The following SLIT2 variants were observed in gnomAD, a reference collection of about 807,000 sequenced individuals.
SLIT2 encodes slit guidance ligand 2.
Under a neutral mutation model 185.7 loss-of-function variants are expected in SLIT2, and 41 were observed. That is an observed-to-expected ratio of 0.22 (90% CI 0.17 to 0.29). The LOEUF (loss-of-function observed/expected upper bound fraction) is 0.29. Ranked by LOEUF, SLIT2 falls within the 10% of genes least tolerant of loss-of-function variation. SLIT2 has a pLI of 1.00. For missense variants in SLIT2, 1,571 were observed against 1,909.0 expected, an observed-to-expected ratio of 0.82 and a Z score of 3.30; for synonymous variants, 693 against 680.2, an observed-to-expected ratio of 1.02 and a Z score of -0.29.
At chr4:20,603,643 A>G (rs1462483901) in intron 33 of SLIT2, among the ~76,000 whole-genome samples, 1 of 152,218 alleles carries the variant, frequency 6.6e-6, no homozygotes, top group Non-Finnish European at 1.5e-5. Context: ...CTGTTTAAAA[A>G]TAAGAAAATC....
At chr4:20,401,539 C>G (rs1726361455) in intron 4 of SLIT2, among the ~76,000 whole-genome samples, 1 of 151,814 alleles carries the variant, frequency 6.6e-6, no homozygotes, top group Non-Finnish European at 1.5e-5. Flanking sequence ...CTTCATCCAG[C>G]AAATCTGCAT....
At position 20,563,792 on chromosome 4, in the gene SLIT2, T is replaced by C. The variant is rs116806500; in HGVS notation, c.2726-3470T>C. Among the ~76,000 whole-genome samples, 609 of 152,018 alleles carry C rather than the reference T, an allele frequency of 4.0e-3. 14 individuals carry two copies. Among genetic ancestry groups the C allele is most frequent in the African/African-American group, 0.014 (572 of 41,464 alleles). On this transcript the variant is annotated intron_variant, in intron 26 of 36. Transcript: ENST00000504154. Reference sequence around the variant, plus strand: ...GTTCCTCCTACCTATTCCAACTCTCTGGAAGTCTAAGAAAGAGTGTCAGTA... The same window carrying C: ...GTTCCTCCTACCTATTCCAACTCTCCGGAAGTCTAAGAAAGAGTGTCAGTA...
chr4:20,614,637 C>A (rs1442858470), intron 34 of SLIT2, among the ~76,000 whole-genome samples: 1 of 151,788 alleles, frequency 6.6e-6, no homozygotes, highest in East Asian at 1.9e-4. Flanking sequence ...ATAAGCCAGG[C>A]GTGGTGGTGC....
intron 6 of SLIT2, among the ~76,000 whole-genome samples, 161 bp downstream of exon 6, chr4:20,480,948 T>C (rs1395457016): frequency 6.6e-6 from 1 of 152,148 alleles, no homozygotes; most frequent in Non-Finnish European, 1.5e-5. Context: ...TCTAAATGTG[T>C]GTGTGCAAAA....
chr4:20,351,593 C>T (rs1434481371), intron 4 of SLIT2, among the ~76,000 whole-genome samples: 1 of 152,122 alleles, frequency 6.6e-6, no homozygotes, highest in Non-Finnish European at 1.5e-5. Flanking sequence ...AGGTGACAAC[C>T]TCCACTTACA....
At chr4:20,563,559 G>T (rs1724863082) in intron 26 of SLIT2, among the ~76,000 whole-genome samples, 1 of 151,658 alleles carries the variant, frequency 6.6e-6, no homozygotes, top group Admixed American at 6.6e-5. Context: ...TCTCAGTGTT[G>T]TACCCGGTGC....
At position 20,253,284 on chromosome 4, in the gene SLIT2, C is replaced by G. The variant is rs542110411; in HGVS notation, c.-532C>G. 1 of 155,636 alleles carries G rather than the reference C, an allele frequency of 6.4e-6. No individual in the cohort carries two copies. Among genetic ancestry groups the G allele is most frequent in the Non-Finnish European group, 1.4e-5 (1 of 70,444 alleles). The allele number at this position is 155,636 out of a possible 1,614,324, so 9.6% of individuals were successfully genotyped here. On this transcript the variant is annotated 5_prime_UTR_variant, in exon 1 of 37. Transcript: ENST00000504154. ...TTGCCCCGCGCGCTCTGCTACGGGC[C>G]CGCTGGGCTTCCGCGCCTTCTAGCT... is the stretch of plus-strand genomic sequence containing the variant.
intron 4 of SLIT2, among the ~76,000 whole-genome samples, chr4:20,403,944 G>A (rs757440634): frequency 3.3e-5 from 5 of 151,320 alleles, no homozygotes; most frequent in Middle Eastern, 3.4e-3. Flanking sequence ...TTGGAAGTTT[G>A]GAAGATAGAT....
At chr4:20,603,206 C>T (rs759710902) in intron 33 of SLIT2, among the ~76,000 whole-genome samples, 3 of 152,052 alleles carry the variant, frequency 2.0e-5, no homozygotes, top group African/African-American at 7.2e-5. Context: ...GAGAACTAAG[C>T]GAAAGGGGAA....
rs1342921852 is a variant in SLIT2, at chr4:20,252,739, C to T, written c.-1077C>T. Among the ~76,000 whole-genome samples the T allele has an allele frequency of 1.3e-5, 2 of 152,232 alleles. No individual in the cohort carries two copies. The highest frequency in any genetic ancestry group is 4.8e-5 in the African/African-American group (2 of 41,470). ...GCCATTCAGCTGCCGCCTGGCTCTG[C>T]CTGGAGTAGTGGATCCCACCCGCCC... is the stretch of plus-strand genomic sequence containing the variant. On this transcript the variant is annotated 5_prime_UTR_variant, in exon 1 of 37. Transcript: ENST00000504154.
chr4:20,590,769 G>T (rs1727454764), intron 30 of SLIT2, among the ~76,000 whole-genome samples: 1 of 152,172 alleles, frequency 6.6e-6, no homozygotes, highest in South Asian at 2.1e-4. Context: ...TTTAGAGCTG[G>T]CAGTAGTTTA....
At chr4:20,350,251 G>A (rs921338169) in intron 4 of SLIT2, among the ~76,000 whole-genome samples, 1 of 151,008 alleles carries the variant, frequency 6.6e-6, no homozygotes, top group Non-Finnish European at 1.5e-5. Context: ...TAAATAAGTC[G>A]ATATAGTATT....
chr4:20,255,277 T>C (rs1711689734), intron 1 of SLIT2, among the ~76,000 whole-genome samples: 1 of 152,224 alleles, frequency 6.6e-6, no homozygotes, highest in African/African-American at 2.4e-5. Context: ...GCCCTTCTTA[T>C]CCAACCCATT....
intron 21 of SLIT2, among the ~76,000 whole-genome samples, chr4:20,545,709 G>A (rs1723187983): frequency 6.6e-6 from 1 of 151,978 alleles, no homozygotes; most frequent in Non-Finnish European, 1.5e-5. Flanking sequence ...GAATTTCATG[G>A]TATTGTGTCC....
At position 20,573,738 on chromosome 4, in the gene SLIT2, G is replaced by T. The variant is rs114561127; in HGVS notation, c.3088+4734G>T. ...CATGTAACATGAAAAATATTTGAAG[G>T]TGTATACATTTATTGAAACACTTTA... On this transcript the variant is annotated intron_variant, in intron 29 of 36. Transcript: ENST00000504154. Among the ~76,000 whole-genome samples the T allele has an allele frequency of 1.5e-3, 221 of 151,986 alleles. 1 individual carries two copies. The highest frequency in any genetic ancestry group is 5.1e-3 in the African/African-American group (212 of 41,468).
At chr4:20,271,989 T>A (rs947217567) in intron 4 of SLIT2, among the ~76,000 whole-genome samples, 2 of 152,094 alleles carry the variant, frequency 1.3e-5, no homozygotes, top group Non-Finnish European at 2.9e-5. Flanking sequence ...ATGCTTTTCC[T>A]TTGCTGTCTG....
intron 4 of SLIT2, among the ~76,000 whole-genome samples, chr4:20,313,858 TC>T (rs1187909461): frequency 6.6e-5 from 10 of 152,296 alleles, no homozygotes; most frequent in African/African-American, 2.4e-4. Context: ...TGCCTGCTGC[TC>T]ACCTCCTCCT....
intron 4 of SLIT2, among the ~76,000 whole-genome samples, chr4:20,319,313 G>A (rs1161038871): frequency 5.3e-5 from 8 of 152,054 alleles, no homozygotes; most frequent in African/African-American, 1.9e-4. Context: ...AAGTATTATT[G>A]TACTTGCAAA....
chr4:20,387,836 T>C (rs1229745347), intron 4 of SLIT2, among the ~76,000 whole-genome samples: 3 of 152,088 alleles, frequency 2.0e-5, no homozygotes, highest in African/African-American at 7.2e-5. Context: ...ATGCCTCCAG[T>C]AGGGTATGCA....
Sources: allele counts gnomAD v4.1 joint callset (sites outside exome capture counted in the v4.1 genomes callset), GRCh38; gene constraint gnomAD v4.1.1; transcripts MANE v1.5; gene names NCBI Gene and HGNC (gene_info 2026-07-23, HGNC 2026-07-21).